The following TAF12 variants were observed in gnomAD, a reference collection of about 807,000 sequenced individuals.
The protein encoded by TAF12 is TATA-box binding protein associated factor 12, also known as transcription initiation factor TFIID subunit 12.
TAF12 carries 3 observed loss-of-function variants against 20.8 expected under a neutral mutation model. The ratio of observed to expected loss-of-function variants is 0.14; its 90% confidence interval spans 0.07 to 0.37. TAF12 has a LOEUF of 0.37. Ranked by LOEUF, TAF12 falls within the 10% of genes least tolerant of loss-of-function variation. The probability of loss-of-function intolerance (pLI) is 1.00; values close to 1 mark genes in which losing one functional copy is unlikely to be tolerated. For missense variants in TAF12, 131 were observed against 197.9 expected, an observed-to-expected ratio of 0.66 and a Z score of 2.03; for synonymous variants, 69 against 70.2, an observed-to-expected ratio of 0.98 and a Z score of 0.09.
intron 1 of TAF12, among the ~76,000 whole-genome samples, chr1:28,636,096 C>A (rs1667814989): frequency 6.6e-6 from 1 of 152,084 alleles, no homozygotes; most frequent in Non-Finnish European, 1.5e-5. Context: ...TAAAAAGGAT[C>A]AATTATTTGC....
At position 28,605,471 on chromosome 1, in the gene TAF12, G is replaced by T. The variant is rs899678836; in HGVS notation, c.362-11C>A. ...TGTTCCACTGGCGCTCTGCAAGGAAGAAGCCAGCACAGAGATAAACGTACC... is the reference window on the plus strand; with the variant it reads ...TGTTCCACTGGCGCTCTGCAAGGAATAAGCCAGCACAGAGATAAACGTACC... On this transcript the variant is annotated splice_polypyrimidine_tract_variant and intron_variant, in intron 4 of 5. Transcript: ENST00000373824. 2 of 1,613,788 alleles carry T rather than the reference G, an allele frequency of 1.2e-6. No individual in the cohort carries two copies. The highest frequency in any genetic ancestry group is 2.7e-5 in the African/African-American group (2 of 74,922).
At chr1:28,628,824 G>A (rs756250018) in intron 1 of TAF12, among the ~76,000 whole-genome samples, 3 of 152,204 alleles carry the variant, frequency 2.0e-5, no homozygotes, top group Non-Finnish European at 4.4e-5. Flanking sequence ...TACAATCCCG[G>A]CACTTTGGGA....
intron 1 of TAF12, among the ~76,000 whole-genome samples, chr1:28,640,317 A>G (rs1667989655): frequency 6.6e-6 from 1 of 152,218 alleles, no homozygotes; most frequent in Admixed American, 6.5e-5. Flanking sequence ...ATAGTCCTTG[A>G]CATTTAGAGG....
chr1:28,627,324 G>C (rs1009318784), intron 1 of TAF12, among the ~76,000 whole-genome samples: 1 of 149,606 alleles, frequency 6.7e-6, no homozygotes, highest in Non-Finnish European at 1.5e-5. Context: ...GGAGACAGAG[G>C]TTGCAGTGAG....
chr1:28,608,008 G>A (rs1190988365), intron 4 of TAF12, among the ~76,000 whole-genome samples: 1 of 151,886 alleles, frequency 6.6e-6, no homozygotes, highest in East Asian at 1.9e-4. Flanking sequence ...GTGATGGTGA[G>A]TGCCTATAAT....
chr1:28,619,043 A>G (rs1667126239), intron 2 of TAF12, among the ~76,000 whole-genome samples: 2 of 151,890 alleles, frequency 1.3e-5, no homozygotes, highest in South Asian at 4.1e-4. Context: ...GGAAGACCTC[A>G]TGTCTTAAGA....
Position 28,636,764 on chromosome 1 carries a change from G to A in TAF12, c.-85+6228C>T, listed in dbSNP as rs551825786. On this transcript the variant is annotated intron_variant, in intron 1 of 5. Coordinates refer to ENST00000373824, the MANE Select transcript of TAF12 (RefSeq NM_005644.4). ...AGTAGTGAGATGTGATGGCACCACT[G>A]CACTCCAACGTGGGTGACAAAGCAA... Among the ~76,000 whole-genome samples the A allele has an allele frequency of 9.9e-5, 15 of 151,970 alleles. No homozygotes were observed. The East Asian group carries it at 2.9e-3, about 29-fold the overall frequency.
chr1:28,647,790 C>G (rs1015234504), upstream of TAF12, among the ~76,000 whole-genome samples: 1 of 151,874 alleles, frequency 6.6e-6, no homozygotes, highest in Admixed American at 6.6e-5. Flanking sequence ...AGGAGAATGG[C>G]GTGAACCCAG....
In TAF12 at chr1:28,613,230, G is replaced by T. The variant is rs762413265; in HGVS notation, c.361+17C>A. 10 of 1,590,932 alleles carry T rather than the reference G, an allele frequency of 6.3e-6. No individual in the cohort carries two copies. The South Asian group carries it at 1.2e-4, about 18-fold the overall frequency. ...AGCAGTTGAATCCATACTTCAGGGAGAAACAAGACCACATACCTAAATGCA... is the reference window on the plus strand; with the variant it reads ...AGCAGTTGAATCCATACTTCAGGGATAAACAAGACCACATACCTAAATGCA... On this transcript the variant is annotated intron_variant, in intron 4 of 5. Transcript: ENST00000373824.
chr1:28,627,003 A>G (rs1192327969), intron 1 of TAF12, among the ~76,000 whole-genome samples: 1 of 151,730 alleles, frequency 6.6e-6, no homozygotes, highest in Non-Finnish European at 1.5e-5. Context: ...TCAAATTAGG[A>G]TTTTTTTTTC....
At chr1:28,610,416 T>C (rs1311469205) in intron 4 of TAF12, among the ~76,000 whole-genome samples, 2 of 152,136 alleles carry the variant, frequency 1.3e-5, no homozygotes, top group Admixed American at 1.3e-4. Context: ...CTTAGCTTCC[T>C]GAGTAGCTGG....
rs533349650 is a variant in TAF12 at position 28,607,120 on chromosome 1, A to C, written c.362-1660T>G. Among the ~76,000 whole-genome samples the C allele has an allele frequency of 3.3e-5, 5 of 152,378 alleles. No individual in the cohort carries two copies. The East Asian group carries it at 9.6e-4, about 29-fold the overall frequency. On this transcript the variant is annotated intron_variant, in intron 4 of 5. Coordinates refer to ENST00000373824, the MANE Select transcript of TAF12 (RefSeq NM_005644.4). Reference sequence around the variant, plus strand: ...GGGGCATGGCCCCCTAAACTCATGTATAAAGGTGTACGTCACTTTTAGCAA... The same window carrying C: ...GGGGCATGGCCCCCTAAACTCATGTCTAAAGGTGTACGTCACTTTTAGCAA...
rs1194628207 is a variant in TAF12, at chr1:28,603,168, G to C, written c.*371C>G. ...TTCATATAAACACTGACATTACAAA[G>C]TACAGGGAAAAGGGGAAGGGAGAAG... is the stretch of plus-strand genomic sequence containing the variant. On this transcript the variant is annotated 3_prime_UTR_variant, in exon 6 of 6. Transcript: ENST00000373824. The C allele has an allele frequency of 4.9e-6, 1 of 204,640 alleles. No homozygotes were observed. Among genetic ancestry groups the C allele is most frequent in the Non-Finnish European group, 9.9e-6 (1 of 101,278 alleles). 12.7% of individuals were successfully genotyped at this position (204,640 alleles called of 1,614,324 possible).
intron 1 of TAF12, among the ~76,000 whole-genome samples, chr1:28,625,755 A>G (rs1192042834): frequency 6.6e-6 from 1 of 151,628 alleles, no homozygotes; most frequent in African/African-American, 2.4e-5. Context: ...GTTAGCCAGG[A>G]TGGTCTCGAT....
At chr1:28,621,869 T>C (rs759956798) in intron 2 of TAF12, 45 bp downstream of exon 2, 32 of 1,595,964 alleles carry the variant, frequency 2.0e-5, no homozygotes, top group African/African-American at 6.8e-5. Context: ...ATTGAAATAA[T>C]AGGTAAGAAG....
intron 1 of TAF12, among the ~76,000 whole-genome samples, chr1:28,635,850 G>C (rs1305118220): frequency 2.6e-5 from 4 of 151,508 alleles, no homozygotes; most frequent in Non-Finnish European, 5.9e-5. Context: ...CAAAGGTGAA[G>C]AGAAAGGGGA....
rs913912088 is a variant in TAF12, at chr1:28,609,596, C to T, written c.361+3651G>A. On this transcript the variant is annotated intron_variant, in intron 4 of 5. Transcript: ENST00000373824. ...CTGCCTCCTGGATTCAAGCGATTTT[C>T]GTGCCTCAGCCTCTGGAGTAGCTGG... is the stretch of plus-strand genomic sequence containing the variant. Among the ~76,000 whole-genome samples, 13 of 151,816 alleles carry T rather than the reference C, an allele frequency of 8.6e-5. 2 individuals are homozygous for T. Among genetic ancestry groups the T allele is most frequent in the African/African-American group, 3.1e-4 (13 of 41,434 alleles).
chr1:28,622,534 G>A (rs962617445), intron 1 of TAF12, among the ~76,000 whole-genome samples: 1 of 152,050 alleles, frequency 6.6e-6, no homozygotes, highest in Non-Finnish European at 1.5e-5. Context: ...AATATTAAGT[G>A]AAATAGTCCA....
intron 1 of TAF12, among the ~76,000 whole-genome samples, chr1:28,626,637 T>C (rs1465466409): frequency 6.7e-6 from 1 of 148,982 alleles, no homozygotes; most frequent in African/African-American, 2.5e-5. Context: ...GGACGGTTGA[T>C]GTGGCTCACG....
Sources: gnomAD v4.1 joint callset for allele counts (sites outside exome capture counted in the v4.1 genomes callset) on GRCh38, gnomAD v4.1.1 for gene constraint, MANE v1.5 for transcripts, NCBI Gene and HGNC (gene_info 2026-07-23, HGNC 2026-07-21) for gene names.